Variants in VGLL4 observed in about 807,000 individuals in gnomAD.
The protein encoded by VGLL4 is vestigial like family member 4.
A neutral mutation model predicts 21.0 loss-of-function variants in VGLL4; 7 were observed. The ratio of observed to expected loss-of-function variants is 0.33; its 90% CI spans 0.19 to 0.63. The LOEUF is 0.63. Among genes scored for constraint, VGLL4 ranks in the 20% least tolerant of loss-of-function variants. VGLL4 has a pLI of 0.78. For synonymous variants in VGLL4, 222 were observed against 173.2 expected (o/e 1.28, Z -2.21); for missense variants, 394 against 425.7 (o/e 0.93, Z 0.66).
At chr3:11,648,014 A>G (rs2075818127), upstream of VGLL4, among the ~76,000 whole-genome samples, 1 of 152,000 alleles carries the variant, frequency 6.6e-6, no homozygotes, top group Non-Finnish European at 1.5e-5. Context: ...ACTAGAAAAT[A>G]TCAATCCTTC....
chr3:11,666,915 T>A (rs1404256113), intron 2 of VGLL4, among the ~76,000 whole-genome samples: 1 of 152,232 alleles, frequency 6.6e-6, no homozygotes, highest in Admixed American at 6.5e-5. Flanking sequence ...CTGCGGCGCC[T>A]GCTCTCAGGT....
At chr3:11,572,552 C>T (rs552826471) in intron 2 of VGLL4, among the ~76,000 whole-genome samples, 1 of 152,222 alleles carries the variant, frequency 6.6e-6, no homozygotes, top group East Asian at 1.9e-4. Flanking sequence ...CTCTCTTCGT[C>T]CCCTGGGGCA....
At chr3:11,691,818 G>A (rs1221091963) in intron 2 of VGLL4, among the ~76,000 whole-genome samples, 1 of 151,964 alleles carries the variant, frequency 6.6e-6, no homozygotes, top group Admixed American at 6.6e-5. Context: ...ATTTTAGGAG[G>A]GGCACTGCCA....
chr3:11,651,723 C>T lies in VGLL4; in HGVS notation c.65-49701G>A, dbSNP rs6794109. Among the ~76,000 whole-genome samples the T allele has an allele frequency of 5.9e-3, 885 of 150,688 alleles. 12 individuals carry two copies. The highest frequency in any genetic ancestry group is 0.021 in the African/African-American group (839 of 40,924). On this transcript the variant is annotated intron_variant, in intron 2 of 5. Coordinates refer to the VGLL4 transcript ENST00000273038. ...CTTCAAATGCCTTAAATATCAATGA[C>T]GTACAGTAAGTACCAGGGAGTAGCT...
chr3:11,651,317 T>G (rs1342793219), intron 2 of VGLL4, among the ~76,000 whole-genome samples: 1 of 138,358 alleles, frequency 7.2e-6, no homozygotes. Context: ...CACTCCAGCC[T>G]AAGCGATAGA....
chr3:11,684,447 C>T (rs1416651752), intron 2 of VGLL4, among the ~76,000 whole-genome samples: 3 of 151,990 alleles, frequency 2.0e-5, no homozygotes, highest in Middle Eastern at 6.3e-3. Context: ...ATGGCATGAT[C>T]ATGGCTCACT....
chr3:11,637,191 C>A (rs55910165), intron 1 of VGLL4, among the ~76,000 whole-genome samples: 322 of 152,088 alleles, frequency 2.1e-3, no homozygotes, highest in African/African-American at 7.3e-3. Context: ...CTGGAAGGGG[C>A]GATTTACTAT....
chr3:11,597,238 G>A (rs2074668687), intron 2 of VGLL4, among the ~76,000 whole-genome samples: 1 of 151,606 alleles, frequency 6.6e-6, no homozygotes. Flanking sequence ...GAATATCAAG[G>A]GCCATTAAAA....
chr3:11,701,517 C>A (rs1240218118), intron 2 of VGLL4, among the ~76,000 whole-genome samples: 1 of 152,270 alleles, frequency 6.6e-6, no homozygotes, highest in African/African-American at 2.4e-5. Context: ...TATCAGAAGC[C>A]AACAATGTGC....
intron 2 of VGLL4, among the ~76,000 whole-genome samples, chr3:11,679,776 T>C (rs2076344840): frequency 6.6e-6 from 1 of 152,204 alleles, no homozygotes; most frequent in Non-Finnish European, 1.5e-5. Flanking sequence ...AAGCTAAGTA[T>C]TATTATGAGT....
chr3:11,658,137 G>A (rs1203767071), intron 2 of VGLL4, among the ~76,000 whole-genome samples: 1 of 152,094 alleles, frequency 6.6e-6, no homozygotes, highest in Non-Finnish European at 1.5e-5. Flanking sequence ...GTCTGGCCAC[G>A]TTGCCCAGGC....
chr3:11,610,396 G>A (rs2075036125), intron 1 of VGLL4: 1 of 152,212 alleles, frequency 6.6e-6, no homozygotes, highest in South Asian at 2.1e-4. Context: ...GACGCCCATT[G>A]CAATGCGAGC....
intron 1 of VGLL4, among the ~76,000 whole-genome samples, chr3:11,609,224 C>T (rs575531803): frequency 6.6e-6 from 1 of 152,224 alleles, no homozygotes; most frequent in Admixed American, 6.5e-5. Flanking sequence ...ATCTTGACAG[C>T]CTCCTTTTGG....
At chr3:11,711,323 A>C (rs2125413306) in intron 1 of VGLL4, among the ~76,000 whole-genome samples, 1 of 151,962 alleles carries the variant, frequency 6.6e-6, no homozygotes, top group Admixed American at 6.6e-5. Context: ...GCAGATCACA[A>C]GGTAAGGAGA....
chr3:11,706,222 A>G (rs2076759052), intron 1 of VGLL4, among the ~76,000 whole-genome samples: 1 of 152,160 alleles, frequency 6.6e-6, no homozygotes, highest in Non-Finnish European at 1.5e-5. Context: ...GAAATCCTAA[A>G]CCCCCAAGCA....
intron 2 of VGLL4, among the ~76,000 whole-genome samples, chr3:11,668,544 G>GT (rs1238844051): frequency 6.6e-6 from 1 of 152,082 alleles, no homozygotes; most frequent in African/African-American, 2.4e-5. Flanking sequence ...CTGGGTAAAC[G>GT]TTTGAGAAGG....
rs907566635 is a variant in VGLL4 at position 11,568,232 on chromosome 3, C to G, written c.273-3213G>C. ...AAGTCGTGGTACATAAGGCACTGCC[C>G]ACCCCTCGCACCTTATGTCCTAGGG... is the stretch of plus-strand genomic sequence containing the variant. On this transcript the variant is annotated intron_variant, in intron 2 of 4. Transcript: ENST00000430365. The surrounding 1 kb of genome is among the most constrained non-coding windows in gnomAD (Gnocchi z 5.9). 2.0e-5 allele frequency among the ~76,000 whole-genome samples: 3 copies of G among 152,214 alleles called. No individual in the cohort carries two copies. The highest frequency in any genetic ancestry group is 7.2e-5 in the African/African-American group (3 of 41,448).
chr3:11,564,755 G>T, intron 3 of VGLL4, 42 bp downstream of exon 3: 1 of 1,528,496 alleles, frequency 6.5e-7, no homozygotes. Context: ...CAGTCCCCCA[G>T]CCCCTGGACT....
chr3:11,692,806 T>C (rs1342566441), intron 2 of VGLL4, among the ~76,000 whole-genome samples: 1 of 152,148 alleles, frequency 6.6e-6, no homozygotes, highest in African/African-American at 2.4e-5. Context: ...TCTCCTAATT[T>C]TTATTCTCTT....
Sources: allele counts gnomAD v4.1 joint callset (sites outside exome capture counted in the v4.1 genomes callset), GRCh38; gene constraint gnomAD v4.1.1; non-coding constraint Gnocchi (gnomAD v3.1); transcripts MANE v1.5; gene names NCBI Gene and HGNC (gene_info 2026-07-23, HGNC 2026-07-21).